The following PREX1 variants were observed in gnomAD, a reference collection of about 807,000 sequenced individuals.
PREX1 encodes the protein phosphatidylinositol 3,4,5-trisphosphate-dependent Rac exchanger 1 protein.
Under a neutral mutation model 198.3 loss-of-function variants are expected in PREX1, and 41 were observed. That is an observed-to-expected ratio of 0.21 (90% CI 0.16 to 0.27). PREX1 has a LOEUF of 0.27. Among genes scored for constraint, PREX1 ranks in the 10% least tolerant of loss-of-function variants. The pLI is 1.00. For missense variants in PREX1, 1,620 were observed against 2,200.7 expected, an observed-to-expected ratio of 0.74 and a Z score of 5.28; for synonymous variants, 843 against 887.2, an observed-to-expected ratio of 0.95 and a Z score of 0.89.
rs914478670 is a variant in PREX1, at chr20:48,666,232, A to T, written c.1738+51T>A. ...TCCTCCCATACTCCCCCAAACCATC[A>T]GCTCCAGGGAGCAAGGTCCCGGGGG... is the stretch of plus-strand genomic sequence containing the variant. On this transcript the variant is annotated intron_variant, in intron 15 of 39. Coordinates refer to ENST00000371941, the MANE Select transcript of PREX1 (RefSeq NM_020820.4). The surrounding 1 kb of genome is among the most constrained non-coding windows in gnomAD (Gnocchi z 4.3). The T allele has an allele frequency of 2.3e-5, 34 of 1,497,524 alleles. No homozygotes were observed. The highest frequency in any genetic ancestry group is 3.0e-5 in the Non-Finnish European group (33 of 1,104,098). 92.8% of individuals were successfully genotyped at this position (1,497,524 alleles called of 1,614,324 possible).
chr20:48,703,397 C>A (rs2089885620), intron 6 of PREX1, among the ~76,000 whole-genome samples: 1 of 152,206 alleles, frequency 6.6e-6, no homozygotes, highest in South Asian at 2.1e-4. Flanking sequence ...ACAGGCAGAT[C>A]TCAGCTTTCC....
intron 7 of PREX1, among the ~76,000 whole-genome samples, chr20:48,693,165 G>T (rs6066817): frequency 6.6e-6 from 1 of 150,994 alleles, no homozygotes; most frequent in African/African-American, 2.5e-5. Flanking sequence ...CAGAATGGAA[G>T]GAGGGCTTGG....
At chr20:48,746,693 G>A (rs6095276) in intron 2 of PREX1, among the ~76,000 whole-genome samples, 10,765 of 152,002 alleles carry the variant, frequency 0.071, 475 homozygotes, top group South Asian at 0.18. Flanking sequence ...GCATTCGTAC[G>A]TAGACACGCA....
chr20:48,829,018 T>G (rs1170242600), upstream of PREX1, among the ~76,000 whole-genome samples: 1 of 152,106 alleles, frequency 6.6e-6, no homozygotes, highest in African/African-American at 2.4e-5. Context: ...TGCTTCAAGA[T>G]CCTCAGTGTT....
intron 1 of PREX1, among the ~76,000 whole-genome samples, chr20:48,804,333 C>T (rs143086438): frequency 0.012 from 1,792 of 152,166 alleles, 30 homozygotes; most frequent in African/African-American, 0.041. Flanking sequence ...ACAAGTGCCA[C>T]GGAGAAGAGG....
the PREX1 span, among the ~76,000 whole-genome samples, chr20:48,851,544 T>C: frequency 6.8e-4 from 104 of 151,992 alleles, no homozygotes; most frequent in Non-Finnish European, 1.0e-3. Context: ...AATAAATAAA[T>C]CTCTACTTGA....
intron 1 of PREX1, among the ~76,000 whole-genome samples, chr20:48,802,240 T>C (rs573923134): frequency 2.0e-5 from 3 of 152,018 alleles, no homozygotes; most frequent in East Asian, 1.9e-4. Flanking sequence ...GGCCTAATGC[T>C]CCTACAGCTT....
At chr20:48,742,290 G>A (rs931407923) in intron 3 of PREX1, among the ~76,000 whole-genome samples, 4 of 152,146 alleles carry the variant, frequency 2.6e-5, no homozygotes, top group Admixed American at 6.5e-5. Context: ...GAACAGATGC[G>A]CACATTACCC....
intron 1 of PREX1, among the ~76,000 whole-genome samples, chr20:48,808,913 G>C (rs1179925117): frequency 6.6e-6 from 1 of 152,180 alleles, no homozygotes; most frequent in Non-Finnish European, 1.5e-5. Flanking sequence ...CCCTAGAAGG[G>C]GCAGAGCCTG....
At chr20:48,626,489 G>A (rs7265343) in intron 39 of PREX1, among the ~76,000 whole-genome samples, 19,896 of 152,236 alleles carry the variant, frequency 0.13, 1,399 homozygotes, top group African/African-American at 0.18. Context: ...GTGCCTTAGC[G>A]TCCCCACCTG....
Position 48,812,270 on chromosome 20 carries a change from A to T in PREX1, c.219+15372T>A, listed in dbSNP as rs539792955. 2.0e-5 allele frequency among the ~76,000 whole-genome samples: 3 copies of T among 152,240 alleles called. No individual in the cohort carries two copies. The South Asian group carries it at 6.2e-4, about 32-fold the overall frequency. On this transcript the variant is annotated intron_variant, in intron 1 of 39. Transcript: ENST00000371941. ...AGGAATGGGTAAATAATATAAGAGG[A>T]ATGGGTAAATAACATAAGAGGAATG...
chr20:48,688,725 G>C lies in PREX1; in HGVS notation c.1266C>G (p.Asn422Lys). Reference protein sequence around the residue: ...KGEKLYHMMMNKKVNLIKDRR... With the variant: ...KGEKLYHMMMKKKVNLIKDRR... ...GGTCCTTGATGAGGTTCACCTTCTT[G>C]TTCATCATCATGTGGTACAGCTTCT... The change falls in exon 10 of 40, where the codon AAC becomes AAG. Residue 422 changes from asparagine (N) to lysine (K), a missense_variant. Asn to Lys is a moderately conservative substitution (Grantham distance 94). Coordinates refer to ENST00000371941, the MANE Select transcript of PREX1 (RefSeq NM_020820.4). The C allele has an allele frequency of 6.2e-7, 1 of 1,614,192 alleles. No homozygotes were observed. The highest frequency in any genetic ancestry group is 8.5e-7 in the Non-Finnish European group (1 of 1,180,036).
Position 48,636,665 on chromosome 20 carries a change from C to A in PREX1, c.3965G>T (p.Arg1322Leu). Residue 1322 changes from arginine to leucine, a missense_variant, in exon 32 of 40, where the codon CGC (arginine) becomes CTC (leucine). Around this residue, in one of 7 missense-constraint regions of PREX1, gnomAD observed 476 missense variants for 603.4 expected, o/e 0.79. Coordinates refer to ENST00000371941, the MANE Select transcript of PREX1 (RefSeq NM_020820.4). ...LKCTDTELQL[R>L]RDAIFCQALV... is the part of the protein sequence containing the mutation. Reference sequence around the variant, plus strand: ...GGCCTGGCAGAAGATCGCGTCTCTGCGCAGCTGCAGCTCCGTGTCTGGGGG... The same window carrying A: ...GGCCTGGCAGAAGATCGCGTCTCTGAGCAGCTGCAGCTCCGTGTCTGGGGG... The A allele has an allele frequency of 6.2e-7, 1 of 1,606,984 alleles. No homozygotes were observed. The highest frequency in any genetic ancestry group is 8.5e-7 in the Non-Finnish European group (1 of 1,177,194).
chr20:48,722,295 C>A (rs755773631), intron 5 of PREX1, among the ~76,000 whole-genome samples: 1 of 152,178 alleles, frequency 6.6e-6, no homozygotes, highest in African/African-American at 2.4e-5. Flanking sequence ...AAGGAGGCAC[C>A]GACACGCTCC....
chr20:48,669,217 C>T (rs534304135), intron 14 of PREX1, among the ~76,000 whole-genome samples: 6 of 152,004 alleles, frequency 3.9e-5, no homozygotes, highest in Non-Finnish European at 8.8e-5. Flanking sequence ...TCCTTTCCTG[C>T]ACACCTGGAA....
chr20:48,689,995 T>G (rs1051379024), intron 9 of PREX1, among the ~76,000 whole-genome samples: 2 of 152,074 alleles, frequency 1.3e-5, no homozygotes, highest in African/African-American at 4.8e-5. Context: ...GAGCAGGTGT[T>G]GCAGGGGAGA....
intron 16 of PREX1, among the ~76,000 whole-genome samples, chr20:48,659,233 A>AAAGGAAGGAAGGAAGG (rs373009346): frequency 0.032 from 3,120 of 98,872 alleles, 73 homozygotes; most frequent in South Asian, 0.05. Context: ...GAGAGAAAGA[A>AAAGGAAGGAAGGAAGG]AAGGAAGGAA....
chr20:48,818,287 C>T (rs1463922995), intron 1 of PREX1, among the ~76,000 whole-genome samples: 1 of 152,092 alleles, frequency 6.6e-6, no homozygotes, highest in Non-Finnish European at 1.5e-5. Flanking sequence ...TCAAAACCAC[C>T]GAATCGTACA....
intron 5 of PREX1, among the ~76,000 whole-genome samples, chr20:48,709,513 G>A (rs1196338752): frequency 6.6e-6 from 1 of 152,254 alleles, no homozygotes; most frequent in Non-Finnish European, 1.5e-5. Context: ...TGATGGTGAT[G>A]ACGATGACAG....
Sources: gnomAD v4.1 joint callset for allele counts (sites outside exome capture counted in the v4.1 genomes callset) on GRCh38, gnomAD v4.1.1 for gene constraint, gnomAD v4.1.1 regional missense constraint, Gnocchi (gnomAD v3.1) non-coding constraint, MANE v1.5 for transcripts, NCBI Gene and HGNC (gene_info 2026-07-23, HGNC 2026-07-21) for gene names.